Variants in ZFYVE9 observed in about 807,000 individuals in gnomAD.
ZFYVE9 encodes zinc finger FYVE-type containing 9, also known as zinc finger FYVE domain-containing protein 9.
Under a neutral mutation model 126.7 loss-of-function variants are expected in ZFYVE9, and 43 were observed. The ratio of observed to expected loss-of-function variants is 0.34; its 90% confidence interval spans 0.27 to 0.44. The LOEUF is 0.44. Ranked by LOEUF, ZFYVE9 falls within the 20% of genes least tolerant of loss-of-function variation. The pLI, the probability that ZFYVE9 is intolerant of heterozygous loss-of-function variation, is 1.00. For synonymous variants in ZFYVE9, 521 were observed against 597.4 expected, an observed-to-expected ratio of 0.87 and a Z score of 1.87; for missense variants, 1,476 against 1,697.0, an observed-to-expected ratio of 0.87 and a Z score of 2.29.
chr1:52,339,339 GT>G (rs1646415061), intron 16 of ZFYVE9, among the ~76,000 whole-genome samples: 1 of 151,748 alleles, frequency 6.6e-6, no homozygotes, highest in Admixed American at 6.6e-5. Context: ...CCAGGCTGGA[GT>G]ACAGTGGTGC....
chr1:52,173,077 G>A (rs902987554), intron 1 of ZFYVE9, among the ~76,000 whole-genome samples: 202 of 151,522 alleles, frequency 1.3e-3, no homozygotes, highest in African/African-American at 4.6e-3. Context: ...CCTGTCTTGT[G>A]CCAGTTTTCA....
chr1:52,174,729 T>C (rs1417204416), intron 1 of ZFYVE9, among the ~76,000 whole-genome samples: 1 of 152,212 alleles, frequency 6.6e-6, no homozygotes, highest in Non-Finnish European at 1.5e-5. Flanking sequence ...TAGCTCTTCT[T>C]GCTGAATTGA....
intron 4 of ZFYVE9, among the ~76,000 whole-genome samples, chr1:52,248,551 A>C (rs1645413290): frequency 6.6e-6 from 1 of 152,204 alleles, no homozygotes; most frequent in African/African-American, 2.4e-5. Flanking sequence ...TCCTCAATCC[A>C]GTCAAGTTAA....
chr1:52,293,565 A>C lies in ZFYVE9; in HGVS notation c.3138A>C (p.Leu1046=), dbSNP rs753568746. 6.2e-6 allele frequency: 10 copies of C among 1,614,102 alleles called. No homozygotes were observed. In the Admixed American group the frequency reaches 1.0e-4, roughly 16 times the overall value. Residue 1046 remains leucine (L), a synonymous_variant, in exon 11 of 19, where the codon CTA becomes CTC. Transcript: ENST00000287727. ...CTACCTACCAGTCACTGCAAGACCT[A>C]GTACTCCCAACCCCACCTTACTTGT... ...VTSTYQSLQD[L]VLPTPPYLFG... is the part of the protein sequence containing the mutation.
At chr1:52,173,434 G>A (rs562048092) in intron 1 of ZFYVE9, among the ~76,000 whole-genome samples, 3 of 152,314 alleles carry the variant, frequency 2.0e-5, no homozygotes, top group Admixed American at 1.3e-4. Context: ...TTGCATCAAT[G>A]TTCATCAAGG....
intron 1 of ZFYVE9, among the ~76,000 whole-genome samples, chr1:52,202,658 T>C (rs965573111): frequency 7.2e-5 from 11 of 151,822 alleles, no homozygotes; most frequent in African/African-American, 2.7e-4. Context: ...TTCAAAGCAA[T>C]TTTTTTAAAA....
intron 13 of ZFYVE9, among the ~76,000 whole-genome samples, chr1:52,310,532 C>T (rs1480309971): frequency 1.3e-5 from 2 of 152,034 alleles, no homozygotes; most frequent in East Asian, 3.9e-4. Context: ...AGCAAGACCC[C>T]ATCTCTTAAA....
chr1:52,172,220 G>A (rs1450763294), intron 1 of ZFYVE9, among the ~76,000 whole-genome samples: 4 of 152,112 alleles, frequency 2.6e-5, no homozygotes, highest in South Asian at 2.1e-4. Flanking sequence ...TCTACATATG[G>A]CTAGCCAGTT....
intron 13 of ZFYVE9, among the ~76,000 whole-genome samples, chr1:52,323,739 C>G (rs972203650): frequency 6.6e-6 from 1 of 152,028 alleles, no homozygotes; most frequent in Admixed American, 6.6e-5. Context: ...CATGGTGAAA[C>G]CCATCTCTAC....
intron 13 of ZFYVE9, among the ~76,000 whole-genome samples, chr1:52,329,041 C>T (rs1363785884): frequency 6.6e-6 from 1 of 152,056 alleles, no homozygotes; most frequent in African/African-American, 2.4e-5. Flanking sequence ...AACTACAAAA[C>T]GTTGCTGAAA....
chr1:52,306,425 C>T (rs990495352), intron 13 of ZFYVE9, among the ~76,000 whole-genome samples: 10 of 152,308 alleles, frequency 6.6e-5, no homozygotes, highest in African/African-American at 2.4e-4. Context: ...AGGAGCCACC[C>T]ACCCCAGGCC....
intron 13 of ZFYVE9, 64 bp from the exon 14 acceptor site, chr1:52,332,704 T>C (rs1345898678): frequency 6.4e-7 from 1 of 1,561,840 alleles, no homozygotes; most frequent in Admixed American, 1.9e-5. Context: ...GAAGATGGAG[T>C]TGCACCATGT....
At chr1:52,143,973 T>C (rs1466905655) in intron 1 of ZFYVE9, among the ~76,000 whole-genome samples, 1 of 152,192 alleles carries the variant, frequency 6.6e-6, no homozygotes, top group African/African-American at 2.4e-5. Context: ...TTTTTAAAAG[T>C]CTAATTCAGG....
intron 4 of ZFYVE9, among the ~76,000 whole-genome samples, chr1:52,247,804 T>A (rs1046739365): frequency 6.6e-5 from 10 of 152,244 alleles, no homozygotes; most frequent in Middle Eastern, 3.4e-3. Context: ...GCCATTTTTA[T>A]CATCTCAAAC....
intron 8 of ZFYVE9, among the ~76,000 whole-genome samples, chr1:52,275,605 C>T (rs1263402308): frequency 6.6e-6 from 1 of 152,090 alleles, no homozygotes; most frequent in Non-Finnish European, 1.5e-5. Context: ...GTTGATATCT[C>T]ATTGTGGTTT....
chr1:52,215,959 T>C (rs1645068496), intron 1 of ZFYVE9, among the ~76,000 whole-genome samples: 1 of 152,152 alleles, frequency 6.6e-6, no homozygotes, highest in Non-Finnish European at 1.5e-5. Flanking sequence ...GAATTCTACA[T>C]GTATAGAAAA....
intron 10 of ZFYVE9, among the ~76,000 whole-genome samples, chr1:52,292,153 A>G (rs1370317843): frequency 6.6e-6 from 1 of 151,290 alleles, no homozygotes; most frequent in Non-Finnish European, 1.5e-5. Flanking sequence ...GTGGTGGTGC[A>G]TGTTTGTAAT....
chr1:52,250,480 G>A (rs1364904504), intron 4 of ZFYVE9, among the ~76,000 whole-genome samples: 1 of 152,064 alleles, frequency 6.6e-6, no homozygotes, highest in African/African-American at 2.4e-5. Flanking sequence ...CTGAAACTTT[G>A]CCGCATTTAT....
intron 13 of ZFYVE9, among the ~76,000 whole-genome samples, chr1:52,309,818 G>T (rs970066800): frequency 1.3e-5 from 2 of 151,894 alleles, no homozygotes; most frequent in Admixed American, 6.6e-5. Context: ...AGGGAGGGAG[G>T]GACTAAGGAA....
Sources: allele counts gnomAD v4.1 joint callset (sites outside exome capture counted in the v4.1 genomes callset), GRCh38; gene constraint gnomAD v4.1.1; transcripts MANE v1.5; gene names NCBI Gene and HGNC (gene_info 2026-07-23, HGNC 2026-07-21).